Variants in SPAG16 observed in about 807,000 individuals in gnomAD.
SPAG16 encodes sperm associated antigen 16, also known as sperm-associated antigen 16 protein.
Under a neutral mutation model 80.4 loss-of-function variants are expected in SPAG16, and 86 were observed. The ratio of observed to expected loss-of-function variants is 1.07; its 90% CI spans 0.90 to 1.28. SPAG16 has a LOEUF of 1.28. Among genes scored for constraint, SPAG16 ranks in the 50% most tolerant of loss-of-function variants. The pLI is 0.00. For missense variants in SPAG16, 870 were observed against 765.3 expected (o/e 1.14, Z -1.61); for synonymous variants, 294 against 265.9 (o/e 1.11, Z -1.03).
chr2:213,872,508 T>C (rs917399919), intron 11 of SPAG16, among the ~76,000 whole-genome samples: 6 of 152,176 alleles, frequency 3.9e-5, no homozygotes, highest in African/African-American at 9.6e-5. Flanking sequence ...GACTTCTCTA[T>C]ATACAAGATC....
chr2:213,548,441 G>C (rs1405104713), intron 10 of SPAG16, among the ~76,000 whole-genome samples: 1 of 151,948 alleles, frequency 6.6e-6, no homozygotes, highest in Non-Finnish European at 1.5e-5. Flanking sequence ...TCAGTATCTT[G>C]ACCTCGTGAT....
chr2:213,623,303 TG>T (rs2061850226), intron 10 of SPAG16, among the ~76,000 whole-genome samples: 1 of 152,188 alleles, frequency 6.6e-6, no homozygotes, highest in Non-Finnish European at 1.5e-5. Context: ...TTTTTCACTA[TG>T]TCATCACTAA....
chr2:214,134,712 T>C (rs761590689), intron 14 of SPAG16, among the ~76,000 whole-genome samples: 35 of 152,198 alleles, frequency 2.3e-4, no homozygotes, highest in Non-Finnish European at 4.4e-4. Flanking sequence ...AGTCTTGCAC[T>C]AGATAATACC....
rs2061980910 is a variant in SPAG16 at position 213,284,577 on chromosome 2, A to T, written c.94A>T (p.Thr32Ser). The T allele has an allele frequency of 1.2e-6, 2 of 1,609,912 alleles. No individual in the cohort carries two copies. Among genetic ancestry groups the T allele is most frequent in the Non-Finnish European group, 8.5e-7 (1 of 1,178,574 alleles). Residue 32 changes from threonine to serine, a missense_variant, in exon 1 of 16, where the codon ACG (threonine) becomes TCG (serine). Physicochemically the swap from Thr to Ser is moderately conservative, Grantham distance 58 (BLOSUM62 1). Coordinates refer to ENST00000331683, the MANE Select transcript of SPAG16 (RefSeq NM_024532.5). Reference protein sequence around the residue: ...GLTAAGDARDTADAVAAEGAY... With the variant: ...GLTAAGDARDSADAVAAEGAY... Reference sequence around the variant, plus strand: ...GACGGCAGCCGGGGACGCGAGGGACACGGCGGACGCGGTGGCGGCTGAGGG... The same window carrying T: ...GACGGCAGCCGGGGACGCGAGGGACTCGGCGGACGCGGTGGCGGCTGAGGG...
At chr2:213,999,170 C>T (rs187313073) in intron 12 of SPAG16, among the ~76,000 whole-genome samples, 92 of 151,824 alleles carry the variant, frequency 6.1e-4, no homozygotes, top group Non-Finnish European at 1.1e-3. Flanking sequence ...GAGGTCTTCA[C>T]GGCAGCCCCT....
chr2:213,544,115 T>C (rs1256678997), intron 10 of SPAG16, among the ~76,000 whole-genome samples: 2 of 151,996 alleles, frequency 1.3e-5, no homozygotes, highest in Admixed American at 6.6e-5. Context: ...TGATTTTTTT[T>C]TTATCACTTT....
intron 4 of SPAG16, among the ~76,000 whole-genome samples, chr2:213,313,285 C>G (rs1410297340): frequency 6.6e-6 from 1 of 151,728 alleles, no homozygotes. Context: ...ATTTTTAAAA[C>G]AAAATTAATA....
chr2:213,665,726 T>C (rs1233321257), intron 10 of SPAG16, among the ~76,000 whole-genome samples: 1 of 152,202 alleles, frequency 6.6e-6, no homozygotes, highest in Non-Finnish European at 1.5e-5. Context: ...TTTAAATTAA[T>C]TAACATTGAA....
At chr2:214,187,865 G>A (rs903057631) in intron 15 of SPAG16, among the ~76,000 whole-genome samples, 8 of 151,654 alleles carry the variant, frequency 5.3e-5, no homozygotes, top group South Asian at 2.1e-4. Flanking sequence ...CCAAACTTTC[G>A]GACAAAGTAG....
intron 9 of SPAG16, among the ~76,000 whole-genome samples, chr2:213,411,051 G>C (rs1344954549): frequency 6.6e-6 from 1 of 152,182 alleles, no homozygotes; most frequent in Non-Finnish European, 1.5e-5. Flanking sequence ...CAATCAGTTA[G>C]CCCTTGTTCA....
At chr2:213,894,559 T>C (rs2106094624) in intron 11 of SPAG16, among the ~76,000 whole-genome samples, 1 of 152,260 alleles carries the variant, frequency 6.6e-6, no homozygotes, top group South Asian at 2.1e-4. Context: ...CTTACCACTT[T>C]ACCACTCTTA....
At chr2:214,338,559 G>A (rs12472371) in intron 15 of SPAG16, among the ~76,000 whole-genome samples, 48,531 of 152,068 alleles carry the variant, frequency 0.32, 12,343 homozygotes, top group African/African-American at 0.71. Flanking sequence ...TCCTATGGTT[G>A]TGAAATTAGA....
intron 10 of SPAG16, among the ~76,000 whole-genome samples, chr2:213,534,717 G>T (rs2076182845): frequency 6.6e-6 from 1 of 152,118 alleles, no homozygotes; most frequent in Non-Finnish European, 1.5e-5. Context: ...GAGAATAGTT[G>T]CCTCCATGAA....
At chr2:214,316,556 G>C (rs1402750098) in intron 15 of SPAG16, among the ~76,000 whole-genome samples, 1 of 152,128 alleles carries the variant, frequency 6.6e-6, no homozygotes, top group African/African-American at 2.4e-5. Flanking sequence ...GTTGTAGATG[G>C]TAACTGTGAA....
intron 15 of SPAG16, among the ~76,000 whole-genome samples, chr2:214,395,155 A>G (rs985876180): frequency 6.6e-6 from 1 of 152,196 alleles, no homozygotes; most frequent in Non-Finnish European, 1.5e-5. Context: ...TTATGAATGA[A>G]GCTTCTATAA....
chr2:213,655,841 A>C (rs999315497), intron 10 of SPAG16, among the ~76,000 whole-genome samples: 2 of 152,230 alleles, frequency 1.3e-5, no homozygotes, highest in Admixed American at 6.5e-5. Flanking sequence ...ATTGCATTGC[A>C]GCTAAGTTCC....
Position 213,679,231 on chromosome 2 carries a change from T to C in SPAG16, c.1071-183254T>C, listed in dbSNP as rs539889552. On this transcript the variant is annotated intron_variant, in intron 10 of 15. Transcript: ENST00000331683. Reference sequence around the variant, plus strand: ...TAACATTATCTATACACTATGGTCATGTAAAATTGCTTTGACTGGAAACCT... The same window carrying C: ...TAACATTATCTATACACTATGGTCACGTAAAATTGCTTTGACTGGAAACCT... 2.0e-5 allele frequency among the ~76,000 whole-genome samples: 3 copies of C among 152,348 alleles called. No homozygotes were observed. The South Asian group carries it at 6.2e-4, about 32-fold the overall frequency.
chr2:213,483,600 G>A (rs1051563778), intron 9 of SPAG16, among the ~76,000 whole-genome samples: 3 of 152,132 alleles, frequency 2.0e-5, no homozygotes, highest in Non-Finnish European at 2.9e-5. Flanking sequence ...ACAGATTGTT[G>A]GGCCCCATTC....
intron 7 of SPAG16, among the ~76,000 whole-genome samples, chr2:213,357,977 G>T (rs976685823): frequency 2.0e-5 from 3 of 152,106 alleles, no homozygotes; most frequent in Admixed American, 6.6e-5. Context: ...CTTAGCATTT[G>T]CTTGTCTGTG....
Sources: allele counts gnomAD v4.1 joint callset (sites outside exome capture counted in the v4.1 genomes callset), GRCh38; gene constraint gnomAD v4.1.1; transcripts MANE v1.5; gene names NCBI Gene and HGNC (gene_info 2026-07-23, HGNC 2026-07-21).